EXOG: variants seen among roughly 807,000 people sequenced by gnomAD.
EXOG encodes the protein exo/endonuclease G, also known as nuclease EXOG, mitochondrial.
Under a neutral mutation model 25.8 loss-of-function variants are expected in EXOG, and 27 were observed. That is an observed-to-expected ratio of 1.05 (90% CI 0.77 to 1.45). EXOG has a LOEUF of 1.45. Ranked by LOEUF, EXOG falls within the 40% of genes most tolerant of loss-of-function variation. EXOG has a pLI of 0.00. For missense variants in EXOG, 458 were observed against 450.5 expected (o/e 1.02, Z -0.15); for synonymous variants, 133 against 167.0 (o/e 0.80, Z 1.57).
chr3:38,502,064 A>G (rs1575614381), intron 3 of EXOG, among the ~76,000 whole-genome samples: 1 of 152,232 alleles, frequency 6.6e-6, no homozygotes, highest in East Asian at 1.9e-4. Flanking sequence ...CTGGGATTAC[A>G]GGTTCCCGCC....
In EXOG at chr3:38,512,518, G is replaced by T. The variant is rs191843669; in HGVS notation, c.645+5550G>T. 3.9e-3 allele frequency among the ~76,000 whole-genome samples: 592 copies of T among 152,008 alleles called. 6 individuals carry two copies. Among genetic ancestry groups the T allele is most frequent in the Admixed American group, 0.026 (402 of 15,266 alleles). ...TCTCTATAAAATTATGAAATTTATT[G>T]TTTATTTCTTGCACTGCACTATACT... On this transcript the variant is annotated intron_variant, in intron 5 of 5. Transcript: ENST00000287675.
chr3:38,506,626 G>T (rs186557774), intron 4 of EXOG, among the ~76,000 whole-genome samples: 25 of 152,272 alleles, frequency 1.6e-4, no homozygotes, highest in Non-Finnish European at 2.9e-4. Flanking sequence ...CGCACATAAA[G>T]AAAAATGTAG....
At position 38,524,909 on chromosome 3, in the gene EXOG, A is replaced by G. The variant is rs1490901065; in HGVS notation, c.*547A>G. 1 of 985,554 alleles carries G rather than the reference A, an allele frequency of 1.0e-6. No individual in the cohort carries two copies. The highest frequency in any genetic ancestry group is 1.7e-5 in the African/African-American group (1 of 57,228). The allele number at this position is 985,554 out of a possible 1,614,324, so 61.1% of individuals were successfully genotyped here. A position where few individuals can be genotyped will look rare whatever the true frequency, so the allele number is the denominator to read the frequency against. On this transcript the variant is annotated 3_prime_UTR_variant, in exon 6 of 6. Transcript: ENST00000287675. ...TGCATTGTCTGTGATGTATCTGCCC[A>G]GCCTTCTCAGAACTCAATGTTGTAC...
chr3:38,507,603 T>C (rs2125770064), intron 5 of EXOG, among the ~76,000 whole-genome samples: 1 of 152,306 alleles, frequency 6.6e-6, no homozygotes, highest in Middle Eastern at 3.4e-3. Context: ...TAAGAAGTCA[T>C]AGATTTGTTT....
intron 4 of EXOG, among the ~76,000 whole-genome samples, chr3:38,505,107 A>C (rs2060163359): frequency 6.6e-6 from 1 of 152,330 alleles, no homozygotes; most frequent in African/African-American, 2.4e-5. Flanking sequence ...AAAGAATTTA[A>C]CAATAATTCT....
At chr3:38,508,126 A>T (rs2060258316) in intron 5 of EXOG, among the ~76,000 whole-genome samples, 1 of 152,128 alleles carries the variant, frequency 6.6e-6, no homozygotes, top group African/African-American at 2.4e-5. Context: ...GCAAGACTCC[A>T]CCTCGAAAAA....
At chr3:38,510,822 G>A (rs1283458896) in intron 5 of EXOG, among the ~76,000 whole-genome samples, 5 of 152,116 alleles carry the variant, frequency 3.3e-5, no homozygotes, top group African/African-American at 1.2e-4. Flanking sequence ...ACCCTAGTTA[G>A]TGTCATAATG....
chr3:38,497,618 T>C lies in EXOG; in HGVS notation c.164-11T>C, dbSNP rs770041302. ...CTCTGCCCCCCCTTTTTTTTTTTTT[T>C]TCATTTTTAGGATCTGCAGAAAAGG... On this transcript the variant is annotated splice_polypyrimidine_tract_variant and intron_variant, in intron 1 of 5. Coordinates refer to ENST00000287675, the MANE Select transcript of EXOG (RefSeq NM_005107.4). 3 of 1,446,736 alleles carry C rather than the reference T, an allele frequency of 2.1e-6. No homozygotes were observed. Among genetic ancestry groups the C allele is most frequent in the Admixed American group, 5.1e-5 (2 of 39,318 alleles). 89.6% of individuals were successfully genotyped at this position (1,446,736 alleles called of 1,614,324 possible).
At chr3:38,499,837 G>C (rs1004625432) in intron 2 of EXOG, 11 of 362,076 alleles carry the variant, frequency 3.0e-5, no homozygotes, top group Admixed American at 7.7e-5. Context: ...CGAATTGCTA[G>C]GTTAGTGTTG....
intron 1 of EXOG, 135 bp downstream of exon 1, chr3:38,496,665 C>T: frequency 6.9e-7 from 1 of 1,453,900 alleles, no homozygotes. Flanking sequence ...TGGTTTCTGA[C>T]CTTTATTCTC....
intron 5 of EXOG, among the ~76,000 whole-genome samples, chr3:38,520,668 G>A (rs1223166310): frequency 1.3e-5 from 2 of 152,038 alleles, no homozygotes; most frequent in Admixed American, 1.3e-4. Flanking sequence ...TTTGAATGAT[G>A]TCCACTACAA....
At chr3:38,522,393 C>T (rs368029205) in intron 5 of EXOG, among the ~76,000 whole-genome samples, 3 of 152,288 alleles carry the variant, frequency 2.0e-5, no homozygotes, top group East Asian at 1.9e-4. Flanking sequence ...GGGAAGGGCC[C>T]GGGAGGGGCA....
chr3:38,517,101 C>T (rs1258713238), intron 5 of EXOG, among the ~76,000 whole-genome samples: 1 of 152,172 alleles, frequency 6.6e-6, no homozygotes, highest in Non-Finnish European at 1.5e-5. Context: ...TTTTCGTCTT[C>T]GAACTTTCAC....
At chr3:38,513,117 A>T (rs2060423678) in intron 5 of EXOG, among the ~76,000 whole-genome samples, 1 of 152,168 alleles carries the variant, frequency 6.6e-6, no homozygotes, top group Non-Finnish European at 1.5e-5. Flanking sequence ...TTATTTTTTA[A>T]TTAGTTTATA....
chr3:38,524,375 G>T lies in EXOG; in HGVS notation c.*13G>T. ...AAAGCCATCCTAGTTTTTATCTCAA[G>T]ATGTGTCATACCGTCTGTAATGAAG... is the stretch of plus-strand genomic sequence containing the variant. On this transcript the variant is annotated 3_prime_UTR_variant, in exon 6 of 6. Coordinates refer to ENST00000287675, the MANE Select transcript of EXOG (RefSeq NM_005107.4). 5 of 1,590,170 alleles carry T rather than the reference G, an allele frequency of 3.1e-6. No homozygotes were observed. The highest frequency in any genetic ancestry group is 1.4e-5 in the African/African-American group (1 of 73,782).
At chr3:38,508,813 A>T (rs2125773234) in intron 5 of EXOG, among the ~76,000 whole-genome samples, 1 of 151,400 alleles carries the variant, frequency 6.6e-6, no homozygotes, top group East Asian at 2.0e-4. Flanking sequence ...ATGTCCAAGC[A>T]TCCAAGGATT....
chr3:38,521,174 T>A (rs2060704925), intron 5 of EXOG, among the ~76,000 whole-genome samples: 1 of 152,208 alleles, frequency 6.6e-6, no homozygotes, highest in Non-Finnish European at 1.5e-5. Flanking sequence ...AAGAGATTAG[T>A]GAGTGGCTAA....
intron 5 of EXOG, among the ~76,000 whole-genome samples, chr3:38,516,750 T>G (rs1047432151): frequency 4.6e-5 from 7 of 152,220 alleles, no homozygotes; most frequent in Non-Finnish European, 1.0e-4. Flanking sequence ...GTCATGTCTC[T>G]GTAGTCTCCT....
At chr3:38,507,028 A>C in intron 5 of EXOG, 60 bp downstream of exon 5, 1 of 739,168 alleles carries the variant, frequency 1.4e-6, no homozygotes, top group Non-Finnish European at 2.3e-6. Flanking sequence ...CTCACTTTCC[A>C]TTCTGCTTTT....
Sources: gnomAD v4.1 joint callset for allele counts (sites outside exome capture counted in the v4.1 genomes callset) on GRCh38, gnomAD v4.1.1 for gene constraint, MANE v1.5 for transcripts, NCBI Gene and HGNC (gene_info 2026-07-23, HGNC 2026-07-21) for gene names.